The following DDX10 variants were observed in gnomAD, a reference collection of about 807,000 sequenced individuals.
DDX10 encodes probable ATP-dependent RNA helicase DDX10.
Under a neutral mutation model 104.3 loss-of-function variants are expected in DDX10, and 74 were observed. The observed-to-expected ratio is 0.71, with a 90% CI of 0.59 to 0.86. The LOEUF (loss-of-function observed/expected upper bound fraction) is 0.86, where lower values mean the gene tolerates loss of function less well. DDX10 is among the 40% of genes least tolerant of loss of function. DDX10 has a pLI of 0.00. For synonymous variants in DDX10, 351 were observed against 353.4 expected (o/e 0.99, Z 0.08); for missense variants, 952 against 1,040.0 (o/e 0.92, Z 1.16).
chr11:108,886,748 ACC>A (rs1863301227), intron 16 of DDX10, among the ~76,000 whole-genome samples: 1 of 152,226 alleles, frequency 6.6e-6, no homozygotes, highest in East Asian at 1.9e-4. Context: ...TTATTTAACC[ACC>A]AAGTTAAGTT....
At chr11:108,717,640 C>G (rs2094293234) in intron 11 of DDX10, among the ~76,000 whole-genome samples, 2 of 152,168 alleles carry the variant, frequency 1.3e-5, no homozygotes, top group Non-Finnish European at 2.9e-5. Flanking sequence ...AAGAAGAGAT[C>G]TTAAATTTTT....
At chr11:108,816,394 T>C (rs1862255562) in intron 13 of DDX10, among the ~76,000 whole-genome samples, 2 of 152,228 alleles carry the variant, frequency 1.3e-5, no homozygotes, top group Admixed American at 6.5e-5. Flanking sequence ...CACTTCGGAC[T>C]CAGACCAAGA....
chr11:108,884,966 C>A (rs1404029319), intron 16 of DDX10, among the ~76,000 whole-genome samples: 1 of 152,256 alleles, frequency 6.6e-6, no homozygotes, highest in East Asian at 1.9e-4. Flanking sequence ...GGTGGTCTTT[C>A]CATCATGATT....
intron 13 of DDX10, among the ~76,000 whole-genome samples, chr11:108,742,668 G>A (rs1375620107): frequency 2.0e-5 from 3 of 152,194 alleles, no homozygotes; most frequent in Non-Finnish European, 1.5e-5. Context: ...CTAATAAAAA[G>A]GAGAGAAGAT....
intron 16 of DDX10, among the ~76,000 whole-genome samples, chr11:108,904,004 A>G (rs1863555055): frequency 6.6e-6 from 1 of 152,150 alleles, no homozygotes; most frequent in African/African-American, 2.4e-5. Flanking sequence ...CTATTTTCCA[A>G]AGCAAACTGC....
In DDX10 at chr11:108,703,374, G is replaced by C. The variant is rs940241639; in HGVS notation, c.1224-3365G>C. Among the ~76,000 whole-genome samples, 146 of 151,592 alleles carry C rather than the reference G, an allele frequency of 9.6e-4. 1 individual carries two copies. The highest frequency in any genetic ancestry group is 3.5e-3 in the African/African-American group (145 of 41,306). On this transcript the variant is annotated intron_variant, in intron 9 of 17. Coordinates refer to ENST00000322536, the MANE Select transcript of DDX10 (RefSeq NM_004398.4). Reference sequence around the variant, plus strand: ...GAGGTGGAGTCTCACTCTGTCTCCAGGCTGGAGTGCAGTGGCGCGATCTCT... The same window carrying C: ...GAGGTGGAGTCTCACTCTGTCTCCACGCTGGAGTGCAGTGGCGCGATCTCT...
intron 16 of DDX10, among the ~76,000 whole-genome samples, chr11:108,907,742 A>C (rs1863616490): frequency 6.6e-6 from 1 of 152,140 alleles, no homozygotes; most frequent in Non-Finnish European, 1.5e-5. Flanking sequence ...TTTCAAGTAC[A>C]CTTCAGCCAG....
At chr11:108,836,155 A>T (rs1196927776) in intron 13 of DDX10, among the ~76,000 whole-genome samples, 1 of 152,172 alleles carries the variant, frequency 6.6e-6, no homozygotes, top group Non-Finnish European at 1.5e-5. Context: ...AATAAAAGTT[A>T]CCTCAGAGGC....
intron 13 of DDX10, among the ~76,000 whole-genome samples, chr11:108,778,124 G>T (rs1021070622): frequency 2.6e-5 from 4 of 152,140 alleles, no homozygotes; most frequent in African/African-American, 9.7e-5. Flanking sequence ...ACTGCCCAAG[G>T]TAATTTATAG....
At chr11:108,906,881 C>A (rs1863603624) in intron 16 of DDX10, among the ~76,000 whole-genome samples, 1 of 152,172 alleles carries the variant, frequency 6.6e-6, no homozygotes, top group Admixed American at 6.5e-5. Flanking sequence ...TAGAAGAAAT[C>A]TCATTTTGCT....
chr11:108,901,715 A>G (rs1383798971), intron 16 of DDX10, among the ~76,000 whole-genome samples: 1 of 152,216 alleles, frequency 6.6e-6, no homozygotes, highest in Admixed American at 6.5e-5. Context: ...TCTTTTCAGA[A>G]TTATAAACAA....
chr11:108,801,606 A>G (rs1419631914), intron 13 of DDX10, among the ~76,000 whole-genome samples: 2 of 152,150 alleles, frequency 1.3e-5, no homozygotes, highest in Admixed American at 1.3e-4. Flanking sequence ...CCACTTTATA[A>G]TGCATCTATC....
intron 6 of DDX10, among the ~76,000 whole-genome samples, chr11:108,680,004 A>G (rs1486133529): frequency 1.3e-5 from 2 of 152,226 alleles, no homozygotes; most frequent in Non-Finnish European, 1.5e-5. Flanking sequence ...TTTTTTGGGT[A>G]CGGAATCATC....
At chr11:108,771,124 A>AT (rs1565273316) in intron 13 of DDX10, among the ~76,000 whole-genome samples, 4 of 152,168 alleles carry the variant, frequency 2.6e-5, no homozygotes, top group Admixed American at 1.3e-4. Context: ...ACCTTTTCAT[A>AT]TGCCTGTTTG....
intron 17 of DDX10, among the ~76,000 whole-genome samples, chr11:108,934,082 A>G (rs965971006): frequency 1.9e-4 from 29 of 152,212 alleles, no homozygotes; most frequent in African/African-American, 7.0e-4. Flanking sequence ...ATGTGAGGGT[A>G]ACCCTAAGAG....
At chr11:108,716,889 A>G (rs1412202689) in intron 11 of DDX10, among the ~76,000 whole-genome samples, 1 of 152,134 alleles carries the variant, frequency 6.6e-6, no homozygotes, top group Admixed American at 6.6e-5. Flanking sequence ...ATTACCTCAC[A>G]TACTTGTGGT....
intron 13 of DDX10, among the ~76,000 whole-genome samples, chr11:108,753,239 C>T (rs143899677): frequency 4.6e-5 from 7 of 152,220 alleles, no homozygotes; most frequent in African/African-American, 1.4e-4. Context: ...TACATAATTA[C>T]TTGAATGCTT....
intron 6 of DDX10, among the ~76,000 whole-genome samples, chr11:108,681,320 A>T (rs1228703510): frequency 6.6e-6 from 1 of 152,214 alleles, no homozygotes; most frequent in East Asian, 1.9e-4. Flanking sequence ...CATCACTTAT[A>T]AAAGTGTGGT....
Position 108,730,849 on chromosome 11 carries a change from G to T in DDX10, c.1965+7387G>T, listed in dbSNP as rs75740322. On this transcript the variant is annotated intron_variant, in intron 13 of 17. Coordinates refer to ENST00000322536, the MANE Select transcript of DDX10 (RefSeq NM_004398.4). ...CTTTAAAGTACACACGTACCTGCATGTTTTTTTTTTTTTACTGTAATAAAT... is the reference window on the plus strand; with the variant it reads ...CTTTAAAGTACACACGTACCTGCATTTTTTTTTTTTTTTACTGTAATAAAT... Among the ~76,000 whole-genome samples the T allele has an allele frequency of 1.2e-3, 185 of 148,794 alleles. 2 individuals are homozygous for T. Among genetic ancestry groups the T allele is most frequent in the Non-Finnish European group, 2.1e-3 (144 of 67,280 alleles).
Sources: allele counts gnomAD v4.1 joint callset (sites outside exome capture counted in the v4.1 genomes callset), GRCh38; gene constraint gnomAD v4.1.1; transcripts MANE v1.5; gene names NCBI Gene and HGNC (gene_info 2026-07-23, HGNC 2026-07-21).